The following PNPLA7 variants were observed in gnomAD, a reference collection of about 807,000 sequenced individuals.
PNPLA7 encodes patatin like domain 7, lysophospholipase, also known as patatin-like phospholipase domain-containing protein 7.
Under a neutral mutation model 161.7 loss-of-function variants are expected in PNPLA7, and 153 were observed. The ratio of observed to expected loss-of-function variants is 0.95; its 90% confidence interval spans 0.83 to 1.08. The LOEUF (loss-of-function observed/expected upper bound fraction) is 1.08, where lower values mean the gene tolerates loss of function less well. Ranked by LOEUF, PNPLA7 falls within the 50% of genes least tolerant of loss-of-function variation. PNPLA7 has a pLI of 0.00. For synonymous variants in PNPLA7, 809 were observed against 782.1 expected, an observed-to-expected ratio of 1.03 and a Z score of -0.57; for missense variants, 1,739 against 1,856.6, an observed-to-expected ratio of 0.94 and a Z score of 1.16.
chr9:137,478,069 G>A lies in PNPLA7; in HGVS notation c.2847C>T (p.Asn949=), dbSNP rs569684420. ...FSRLARVLTG[N]AIALVLGGGG... The stretch of plus-strand genomic sequence containing the variant: ...CTCCCCCAAGCACCAGGGCAATGGC[G>A]TTGCCCGTCAGCACCCTCGCCAGGC... Residue 949 remains asparagine, a synonymous_variant, in exon 25 of 35, where the codon AAC becomes AAT. Coordinates refer to ENST00000406427, the MANE Select transcript of PNPLA7 (RefSeq NM_001098537.3). 35 of 1,416,748 alleles carry A rather than the reference G, an allele frequency of 2.5e-5. No individual in the cohort carries two copies. The East Asian group carries it at 4.1e-4, about 17-fold the overall frequency. The allele number at this position is 1,416,748 out of a possible 1,614,324, so 87.8% of individuals were successfully genotyped here.
rs1831110861 is a variant in PNPLA7, at chr9:137,460,296, C to G, written c.*97G>C. The G allele has an allele frequency of 2.4e-6, 3 of 1,267,262 alleles. No individual in the cohort carries two copies. The highest frequency in any genetic ancestry group is 3.3e-6 in the Non-Finnish European group (3 of 918,302). The allele number at this position is 1,267,262 out of a possible 1,614,324, so 78.5% of individuals were successfully genotyped here. ...GCCCCGGGGAAGTCAGGGCTTCCAG[C>G]AGGGCAGGTACAGAGGCCCCTAGGA... On this transcript the variant is annotated 3_prime_UTR_variant, in exon 35 of 35. Coordinates refer to ENST00000406427, the MANE Select transcript of PNPLA7 (RefSeq NM_001098537.3).
intron 31 of PNPLA7, 61 bp downstream of exon 31, chr9:137,462,118 G>A: frequency 1.3e-6 from 2 of 1,522,444 alleles, no homozygotes; most frequent in Non-Finnish European, 1.8e-6. Context: ...GGGGAAGCGA[G>A]GAGGGGCAGC....
rs1281822684 is a variant in PNPLA7 at position 137,486,742 on chromosome 9, C to T, written c.2198-2006G>A. On this transcript the variant is annotated intron_variant, in intron 20 of 34. Transcript: ENST00000406427. The surrounding 1 kb of genome is among the most constrained non-coding windows in gnomAD (Gnocchi z 6.0). ...GGCTTCAGCCGCCTGCTTGAGAGGA[C>T]GCTCTGTGCACAGTGGCCGGAGCTG... Among the ~76,000 whole-genome samples the T allele has an allele frequency of 2.0e-5, 3 of 152,122 alleles. No homozygotes were observed. Among genetic ancestry groups the T allele is most frequent in the African/African-American group, 2.4e-5 (1 of 41,420 alleles).
chr9:137,471,469 G>T (rs1326055375), intron 25 of PNPLA7, among the ~76,000 whole-genome samples: 2 of 148,696 alleles, frequency 1.3e-5, no homozygotes, highest in Non-Finnish European at 3.0e-5. Flanking sequence ...CGTGGTGGCA[G>T]GCACCTGTAA....
rs967331049 is a variant in PNPLA7 at position 137,524,249 on chromosome 9, C to T, written c.748-1392G>A. The stretch of plus-strand genomic sequence containing the variant: ...GTGTGACACACTCGAGATTCCCCCA[C>T]GGTGGCATGTCTGACAGAGGTCTCT... On this transcript the variant is annotated intron_variant, in intron 8 of 34. Transcript: ENST00000406427. This position sits in a 1 kb window ranked among gnomAD's most constrained non-coding sequence, Gnocchi z 4.4. Among the ~76,000 whole-genome samples, 65 of 152,328 alleles carry T rather than the reference C, an allele frequency of 4.3e-4. No individual in the cohort carries two copies. Among genetic ancestry groups the T allele is most frequent in the African/African-American group, 1.5e-3 (61 of 41,572 alleles).
chr9:137,516,283 C>G, intron 11 of PNPLA7: 5 of 979,752 alleles, frequency 5.1e-6, no homozygotes, highest in Non-Finnish European at 6.1e-6. Flanking sequence ...GGATGGGCCA[C>G]GCAGGGCTGC....
chr9:137,494,567 T>TGCGCCCTCACCTGCTCC (rs1564308848), intron 19 of PNPLA7, among the ~76,000 whole-genome samples: 2 of 150,444 alleles, frequency 1.3e-5, no homozygotes, highest in African/African-American at 4.9e-5. Context: ...TCACCTGCTC[T>TGCGCCCTCACCTGCTCC]GCGCCCTCAC....
chr9:137,484,405 C>G (rs1012610920), intron 21 of PNPLA7, among the ~76,000 whole-genome samples, 182 bp downstream of exon 21: 2 of 152,190 alleles, frequency 1.3e-5, no homozygotes, highest in Admixed American at 1.3e-4. Flanking sequence ...AATTCAATTC[C>G]TTGCCCTTGA....
Position 137,540,713 on chromosome 9 carries a change from C to T in PNPLA7, c.676G>A (p.Glu226Lys), listed in dbSNP as rs369766954. 5.6e-6 allele frequency: 9 copies of T among 1,609,862 alleles called. No individual in the cohort carries two copies. The highest frequency in any genetic ancestry group is 2.7e-5 in the African/African-American group (2 of 74,880). ...GCCAGAACCTCTTTCACCACCACCT[C>T]GGTGCCGTCCTGCGCTTGGAGAGCA... ...EVCIQDTDGT[E>K]VVVKEVLAGD... The change falls in exon 8 of 35, where the codon GAG (glutamate) becomes AAG (lysine). Residue 226 changes from glutamate to lysine, a missense_variant. This residue lies in a region of PNPLA7 where 152 missense variants were observed against 193.5 expected (regional missense o/e 0.79). Transcript: ENST00000406427. The surrounding 1 kb of genome is among the most constrained non-coding windows in gnomAD (Gnocchi z 5.1).
chr9:137,478,472 C>T (rs1297034348), intron 24 of PNPLA7: 1 of 264,036 alleles, frequency 3.8e-6, no homozygotes, highest in Non-Finnish European at 7.1e-6. Flanking sequence ...CACTGGGGTC[C>T]CTCTATCCTG....
rs1233447585 is a variant in PNPLA7, at chr9:137,469,885, A to G, written c.2883-2412T>C. ...GCAGATGCTTTAGTTTAAAATACTG[A>G]ACAGCTTCATGCCATAAATAGAAAA... is the stretch of plus-strand genomic sequence containing the variant. On this transcript the variant is annotated intron_variant, in intron 25 of 34. Coordinates refer to ENST00000406427, the MANE Select transcript of PNPLA7 (RefSeq NM_001098537.3). 3.3e-5 allele frequency among the ~76,000 whole-genome samples: 5 copies of G among 152,240 alleles called. No homozygotes were observed. The East Asian group carries it at 9.6e-4, about 29-fold the overall frequency.
intron 8 of PNPLA7, 47 bp from the exon 9 acceptor site, chr9:137,522,904 C>T (rs764354629): frequency 1.2e-6 from 2 of 1,600,806 alleles, no homozygotes; most frequent in Non-Finnish European, 1.7e-6. Context: ...CCTGGCCAAC[C>T]CCCCAGGGAA....
Position 137,547,464 on chromosome 9 carries a change from C to T in PNPLA7, c.106-68G>A. On this transcript the variant is annotated intron_variant, in intron 2 of 34. Coordinates refer to ENST00000406427, the MANE Select transcript of PNPLA7 (RefSeq NM_001098537.3). This position sits in a 1 kb window ranked among gnomAD's most constrained non-coding sequence, Gnocchi z 4.6. ...AACCTAACCCTAGCCCTAAGCCTGCCCCCACCCCTGGCTGCCCAACCACAG... is the reference window on the plus strand; with the variant it reads ...AACCTAACCCTAGCCCTAAGCCTGCTCCCACCCCTGGCTGCCCAACCACAG... The T allele has an allele frequency of 6.3e-7, 1 of 1,599,460 alleles. No individual in the cohort carries two copies. The highest frequency in any genetic ancestry group is 8.6e-7 in the Non-Finnish European group (1 of 1,167,682).
At chr9:137,508,225 C>CA (rs1007341456) in intron 12 of PNPLA7, among the ~76,000 whole-genome samples, 15 of 151,078 alleles carry the variant, frequency 9.9e-5, no homozygotes, top group Admixed American at 9.2e-4. Flanking sequence ...GGCCTTACCT[C>CA]AAAAAAAGAA....
At chr9:137,493,171 C>G in intron 19 of PNPLA7, 89 bp from the exon 20 acceptor site, 1 of 1,352,910 alleles carries the variant, frequency 7.4e-7, no homozygotes, top group Non-Finnish European at 1.1e-6. Flanking sequence ...AACAGCGAGA[C>G]TCAGCCAATG....
intron 8 of PNPLA7, among the ~76,000 whole-genome samples, chr9:137,536,434 T>G (rs1233293727): frequency 6.6e-6 from 1 of 152,004 alleles, no homozygotes; most frequent in Non-Finnish European, 1.5e-5. Flanking sequence ...GCAGGGGCGC[T>G]TCCCAGAGCA....
intron 8 of PNPLA7, among the ~76,000 whole-genome samples, chr9:137,526,922 T>C (rs1424078978): frequency 6.6e-6 from 1 of 152,166 alleles, no homozygotes; most frequent in East Asian, 1.9e-4. Context: ...TCTTTCTTTC[T>C]CTTCCCCTAC....
rs1381963493 is a variant in PNPLA7, at chr9:137,499,096, C to T, written c.1758-851G>A. The stretch of plus-strand genomic sequence containing the variant: ...TGGCTGGGGTGACGGCTGCAAGGCA[C>T]ACCATGCACGGACACACAGGCAGAC... On this transcript the variant is annotated intron_variant, in intron 16 of 34. Transcript: ENST00000406427. The surrounding 1 kb of genome is among the most constrained non-coding windows in gnomAD (Gnocchi z 5.5). Among the ~76,000 whole-genome samples, 1 of 151,974 alleles carries T rather than the reference C, an allele frequency of 6.6e-6. No homozygotes were observed. The highest frequency in any genetic ancestry group is 1.5e-5 in the Non-Finnish European group (1 of 67,960).
rs146885482 is a variant in PNPLA7, at chr9:137,460,736, G to T, written c.3843C>A (p.Asp1281Glu). 6.2e-7 allele frequency: 1 copy of T among 1,612,142 alleles called. No homozygotes were observed. Among genetic ancestry groups the T allele is most frequent in the Non-Finnish European group, 8.5e-7 (1 of 1,179,508 alleles). Reference sequence around the variant, plus strand: ...CGTACTCCGTCTGGTAGTCAGATTCGTCTGGCACCGAGGGTAGGGCTGCGT... The same window carrying T: ...CGTACTCCGTCTGGTAGTCAGATTCTTCTGGCACCGAGGGTAGGGCTGCGT... ...IEPAKPAMVDDESDYQTEYEE... is the reference protein window; with the variant it reads ...IEPAKPAMVDEESDYQTEYEE... Residue 1281 changes from aspartate (D) to glutamate (E), a missense_variant and splice_region_variant, in exon 34 of 35, where the codon GAC becomes GAA. By Grantham distance (45) the Asp-to-Glu change is conservative. This residue lies in a region of PNPLA7 where 703 missense variants were observed against 694.6 expected (regional missense o/e 1.01). Coordinates refer to ENST00000406427, the MANE Select transcript of PNPLA7 (RefSeq NM_001098537.3).
Sources: gnomAD v4.1 joint callset for allele counts (sites outside exome capture counted in the v4.1 genomes callset) on GRCh38, gnomAD v4.1.1 for gene constraint, gnomAD v4.1.1 regional missense constraint, Gnocchi (gnomAD v3.1) non-coding constraint, MANE v1.5 for transcripts, NCBI Gene and HGNC (gene_info 2026-07-23, HGNC 2026-07-21) for gene names.